The following SYT16 variants were observed in gnomAD, a reference collection of about 807,000 sequenced individuals.
The protein encoded by SYT16 is synaptotagmin 16, also known as synaptotagmin-16.
Under a neutral mutation model 61.4 loss-of-function variants are expected in SYT16, and 42 were observed. That is an observed-to-expected ratio of 0.68 (90% CI 0.53 to 0.89). The LOEUF (loss-of-function observed/expected upper bound fraction) is 0.89, where lower values mean the gene tolerates loss of function less well. Ranked by LOEUF, SYT16 falls within the 40% of genes least tolerant of loss-of-function variation. SYT16 has a pLI of 0.00. For synonymous variants in SYT16, 314 were observed against 302.3 expected (o/e 1.04, Z -0.40); for missense variants, 804 against 807.3 (o/e 1.00, Z 0.05).
intron 2 of SYT16, among the ~76,000 whole-genome samples, chr14:61,987,178 C>G (rs2052352397): frequency 6.6e-6 from 1 of 151,946 alleles, no homozygotes; most frequent in African/African-American, 2.4e-5. Context: ...TGGGCACTGT[C>G]AGGGTCAGGG....
At chr14:61,857,277 T>C (rs74057540) in intron 1 of SYT16, among the ~76,000 whole-genome samples, 13,379 of 152,232 alleles carry the variant, frequency 0.088, 626 homozygotes, top group Non-Finnish European at 0.1. Context: ...GTGTTAACTC[T>C]TCTCTACTTC....
intron 1 of SYT16, among the ~76,000 whole-genome samples, chr14:61,904,546 T>C (rs2048635051): frequency 6.6e-6 from 1 of 152,206 alleles, no homozygotes; most frequent in African/African-American, 2.4e-5. Flanking sequence ...GTTTGAGTCT[T>C]GAGTCTTGGA....
At chr14:62,079,316 C>A in intron 5 of SYT16, 1 of 1,142,452 alleles carries the variant, frequency 8.8e-7, no homozygotes, top group South Asian at 1.6e-5. Context: ...ACTTATTTTA[C>A]AAGAAATCTA....
At chr14:61,943,800 G>A (rs987314718) in intron 1 of SYT16, among the ~76,000 whole-genome samples, 9 of 152,182 alleles carry the variant, frequency 5.9e-5, no homozygotes, top group East Asian at 1.9e-4. Flanking sequence ...AAATGTGGAA[G>A]CATTCCCTTT....
intron 7 of SYT16, among the ~76,000 whole-genome samples, chr14:62,099,536 G>T (rs774442759): frequency 6.6e-6 from 1 of 152,148 alleles, no homozygotes; most frequent in Non-Finnish European, 1.5e-5. Context: ...CATATTGAAT[G>T]TAAGATTAGT....
chr14:61,904,437 G>A (rs1292383387), intron 1 of SYT16, among the ~76,000 whole-genome samples: 2 of 152,182 alleles, frequency 1.3e-5, no homozygotes, highest in Non-Finnish European at 2.9e-5. Flanking sequence ...TTGGAGGCCT[G>A]CTTTGCATTC....
chr14:62,052,307 A>G (rs2055342155), intron 3 of SYT16, among the ~76,000 whole-genome samples: 1 of 152,186 alleles, frequency 6.6e-6, no homozygotes, highest in South Asian at 2.1e-4. Context: ...TTATCATTCC[A>G]ATTATGGCTT....
chr14:61,913,457 G>A (rs1288899046), intron 1 of SYT16, among the ~76,000 whole-genome samples: 1 of 152,060 alleles, frequency 6.6e-6, no homozygotes, highest in African/African-American at 2.4e-5. Flanking sequence ...TTTAAAGATT[G>A]CCCTTAAGAA....
At chr14:61,979,484 C>G (rs778038490) in intron 2 of SYT16, among the ~76,000 whole-genome samples, 2 of 152,140 alleles carry the variant, frequency 1.3e-5, no homozygotes, top group Non-Finnish European at 2.9e-5. Context: ...TGTGCAGTGG[C>G]TTCCTTTTAG....
intron 7 of SYT16, among the ~76,000 whole-genome samples, chr14:62,092,197 C>T (rs2057106078): frequency 9.8e-6 from 1 of 102,336 alleles, no homozygotes; most frequent in African/African-American, 3.0e-5. Context: ...CACACACACA[C>T]ACACACACAC....
intron 5 of SYT16, among the ~76,000 whole-genome samples, chr14:62,078,155 C>CTCTCTCTCTCTCTATATATATA (rs766089633): frequency 1.5e-5 from 2 of 135,936 alleles, no homozygotes; most frequent in African/African-American, 5.8e-5. Context: ...CTCTCTCTCT[C>CTCTCTCTCTCTCTATATATATA]TATATATATA....
At chr14:62,094,411 A>G (rs1032586374) in intron 7 of SYT16, among the ~76,000 whole-genome samples, 6 of 152,236 alleles carry the variant, frequency 3.9e-5, no homozygotes, top group Non-Finnish European at 8.8e-5. Context: ...TACTGAATAC[A>G]TACTTCTAAC....
In SYT16 at chr14:62,110,320, G is replaced by C. The variant is rs2057585490; in HGVS notation, c.*9613G>C. 1 of 152,142 alleles carries C rather than the reference G, an allele frequency of 6.6e-6. No homozygotes were observed. The highest frequency in any genetic ancestry group is 1.9e-4 in the East Asian group (1 of 5,184). 9.4% of individuals were successfully genotyped at this position (152,142 alleles called of 1,614,324 possible). ...TACTCATTTTACCTATTTTTACCAG[G>C]TGGTTGTAGGAACAGGATTCATTCA... On this transcript the variant is annotated 3_prime_UTR_variant, in exon 8 of 8. Coordinates refer to ENST00000683842, the MANE Select transcript of SYT16 (RefSeq NM_001367656.1).
intron 1 of SYT16, among the ~76,000 whole-genome samples, chr14:61,820,606 T>C (rs1041313342): frequency 6.8e-6 from 1 of 147,042 alleles, no homozygotes; most frequent in Non-Finnish European, 1.5e-5. Context: ...CTCAGCCTCC[T>C]GAGTAGCTGG....
chr14:61,952,065 G>T (rs898774248), intron 1 of SYT16, among the ~76,000 whole-genome samples: 2 of 152,042 alleles, frequency 1.3e-5, no homozygotes. Flanking sequence ...TGGGATTATA[G>T]GCATGAGCCA....
chr14:61,815,473 C>T (rs868308254), intron 1 of SYT16, among the ~76,000 whole-genome samples: 1 of 152,186 alleles, frequency 6.6e-6, no homozygotes, highest in South Asian at 2.1e-4. Context: ...GTATTCTATT[C>T]CAGTCATTTC....
In SYT16 at chr14:61,826,670, G is replaced by T. The variant is rs903076441; in HGVS notation, c.-325+13860G>T. 1.3e-4 allele frequency among the ~76,000 whole-genome samples: 20 copies of T among 151,894 alleles called. 1 individual carries two copies. Among genetic ancestry groups the T allele is most frequent in the African/African-American group, 4.9e-4 (20 of 41,204 alleles). On this transcript the variant is annotated intron_variant, in intron 1 of 7. Transcript: ENST00000683842. ...AGGTTTCCAAACCCACAGCCTCTCT[G>T]CTTTTATTTCTCCAGAGATTAAACA... is the stretch of plus-strand genomic sequence containing the variant.
intron 1 of SYT16, among the ~76,000 whole-genome samples, chr14:61,960,041 A>C (rs1347794188): frequency 6.6e-6 from 1 of 152,154 alleles, no homozygotes; most frequent in Non-Finnish European, 1.5e-5. Context: ...CATGTTGCTC[A>C]GGCTGGTCTC....
At chr14:61,884,657 G>C (rs1364956477) in intron 1 of SYT16, among the ~76,000 whole-genome samples, 1 of 152,204 alleles carries the variant, frequency 6.6e-6, no homozygotes, top group Non-Finnish European at 1.5e-5. Context: ...CTACTTTCCT[G>C]TTTCCAAAAT....
Sources: gnomAD v4.1 joint callset for allele counts (sites outside exome capture counted in the v4.1 genomes callset) on GRCh38, gnomAD v4.1.1 for gene constraint, MANE v1.5 for transcripts, NCBI Gene and HGNC (gene_info 2026-07-23, HGNC 2026-07-21) for gene names.